Variants in PIWIL3 observed in about 807,000 individuals in gnomAD.
The protein encoded by PIWIL3 is piwi-like protein 3.
A neutral mutation model predicts 109.7 loss-of-function variants in PIWIL3; 101 were observed. The ratio of observed to expected loss-of-function variants is 0.92; its 90% CI spans 0.78 to 1.09. PIWIL3 has a LOEUF of 1.09. Among genes scored for constraint, PIWIL3 ranks in the 50% least tolerant of loss-of-function variants. The pLI is 0.00. For synonymous variants in PIWIL3, 373 were observed against 376.4 expected (o/e 0.99, Z 0.10); for missense variants, 1,031 against 1,072.6 (o/e 0.96, Z 0.54).
At chr22:24,751,566 A>G in intron 8 of PIWIL3, 68 bp from the exon 9 acceptor site, 1 of 1,562,360 alleles carries the variant, frequency 6.4e-7, no homozygotes, top group South Asian at 1.2e-5. Context: ...CACAGAAAAT[A>G]GACATTTTTA....
At chr22:24,752,488 C>G (rs1010784525) in intron 8 of PIWIL3, among the ~76,000 whole-genome samples, 2 of 152,064 alleles carry the variant, frequency 1.3e-5, no homozygotes, top group African/African-American at 2.4e-5. Flanking sequence ...CTGGGCCCTA[C>G]GTAAATCAGA....
chr22:24,755,494 T>A (rs920338314), intron 6 of PIWIL3, among the ~76,000 whole-genome samples: 6 of 152,254 alleles, frequency 3.9e-5, no homozygotes, highest in African/African-American at 1.4e-4. Flanking sequence ...AAAAATGCAT[T>A]TGCTACAGAG....
At chr22:24,755,128 C>T (rs1432218283) in intron 6 of PIWIL3, among the ~76,000 whole-genome samples, 1 of 152,086 alleles carries the variant, frequency 6.6e-6, no homozygotes, top group Non-Finnish European at 1.5e-5. Context: ...CTTTTTCAAA[C>T]TGTCTTTTTT....
intron 1 of PIWIL3, among the ~76,000 whole-genome samples, chr22:24,763,269 T>TGAGGCACACAC (rs1555913587): frequency 6.6e-6 from 1 of 151,756 alleles, no homozygotes; most frequent in African/African-American, 2.4e-5. Flanking sequence ...CTCAGCCTCC[T>TGAGGCACACAC]GAGGCACACA....
chr22:24,773,703 ATTTTT>A (rs61034646), intron 1 of PIWIL3, among the ~76,000 whole-genome samples: 7,367 of 109,950 alleles, frequency 0.067, 182 homozygotes, highest in South Asian at 0.11. Context: ...GACACTCTAG[ATTTTT>A]TTTTTTTTTT....
At chr22:24,753,375 A>G (rs544285195) in intron 8 of PIWIL3, among the ~76,000 whole-genome samples, 6 of 152,362 alleles carry the variant, frequency 3.9e-5, no homozygotes, top group African/African-American at 1.2e-4. Context: ...TCCCAGCAAC[A>G]TTATTGAAAA....
chr22:24,756,907 A>G (rs1384239618), intron 4 of PIWIL3, among the ~76,000 whole-genome samples: 1 of 151,888 alleles, frequency 6.6e-6, no homozygotes. Flanking sequence ...TGGTGACCCC[A>G]TATCTACTAA....
chr22:24,749,254 CAG>C (rs1428143124), intron 11 of PIWIL3, 148 bp downstream of exon 11: 3 of 1,270,974 alleles, frequency 2.4e-6, no homozygotes, highest in Non-Finnish European at 3.2e-6. Flanking sequence ...CTTGCAATGA[CAG>C]AAAAACTAGA....
At position 24,728,224 on chromosome 22, in the gene PIWIL3, G is replaced by A. The variant is rs1923111887; in HGVS notation, c.1858C>T (p.Gln620Ter). 6.2e-7 allele frequency: 1 copy of A among 1,614,080 alleles called. No individual in the cohort carries two copies. The highest frequency in any genetic ancestry group is 1.7e-5 in the Admixed American group (1 of 60,006). The change falls in exon 15 of 21, where the codon CAG becomes TAG. Residue 620 changes from glutamine to a stop codon, truncating the protein, a stop_gained. Coordinates refer to ENST00000616349, the MANE Select transcript of PIWIL3 (RefSeq NM_001255975.1). LOFTEE classifies it high-confidence loss of function. Reference sequence around the variant, plus strand: ...GCTCCTCCCATCTTGCAATTCATCTGCTGGGCAATCTTGGTGACGATGGTC... The same window carrying A: ...GCTCCTCCCATCTTGCAATTCATCTACTGGGCAATCTTGGTGACGATGGTC... ...ARTIVTKIAQ[Q>*]MNCKMGGALW...
chr22:24,722,730 G>C (rs1922748777), intron 19 of PIWIL3, among the ~76,000 whole-genome samples: 1 of 152,008 alleles, frequency 6.6e-6, no homozygotes, highest in South Asian at 2.1e-4. Context: ...TAGATAGATA[G>C]ATACCTACCT....
intron 9 of PIWIL3, 148 bp from the exon 10 acceptor site, chr22:24,749,967 T>C (rs1453441344): frequency 5.7e-6 from 6 of 1,048,110 alleles, no homozygotes; most frequent in South Asian, 4.7e-5. Context: ...TAGTGTACTA[T>C]GAATACTCTC....
Position 24,719,785 on chromosome 22 carries a change from A to T in PIWIL3, c.2468T>A (p.Leu823Ter). 1 of 1,613,346 alleles carries T rather than the reference A, an allele frequency of 6.2e-7. No individual in the cohort carries two copies. The highest frequency in any genetic ancestry group is 8.5e-7 in the Non-Finnish European group (1 of 1,179,280). The change falls in exon 20 of 21, where the codon TTA becomes TAA. Residue 823 changes from leucine (L) to a stop codon, truncating the protein, a stop_gained. Coordinates refer to ENST00000616349, the MANE Select transcript of PIWIL3 (RefSeq NM_001255975.1). LOFTEE classifies it low-confidence loss of function (END_TRUNC). ...IGLSPDTVQR[L>*]TYCLCHMYYN... ...ATACATGTGGCATAGACAATATGTT[A>T]AACGCTGTACTGTATCTGGGCTCAA...
At chr22:24,755,994 C>A in intron 5 of PIWIL3, 89 bp from the exon 6 acceptor site, 1 of 1,382,966 alleles carries the variant, frequency 7.2e-7, no homozygotes, top group South Asian at 1.3e-5. Flanking sequence ...TGTCACCTGG[C>A]TATCCAACAC....
intron 12 of PIWIL3, among the ~76,000 whole-genome samples, chr22:24,748,476 A>G (rs1924500280): frequency 6.6e-6 from 1 of 152,240 alleles, no homozygotes; most frequent in South Asian, 2.1e-4. Context: ...TAGATACCCC[A>G]CTTAACCTGA....
chr22:24,733,226 T>C (rs1254698441), intron 14 of PIWIL3, among the ~76,000 whole-genome samples: 1 of 152,164 alleles, frequency 6.6e-6, no homozygotes, highest in East Asian at 1.9e-4. Flanking sequence ...AACAAAGACA[T>C]CTTCCCACCT....
In PIWIL3 at chr22:24,760,780, C is replaced by CAAAAAAAAAA. The variant is rs61469163; in HGVS notation, c.103-801_103-792dup. Among the ~76,000 whole-genome samples, 180 of 41,010 alleles carry CAAAAAAAAAA rather than the reference C, an allele frequency of 4.4e-3. 10 individuals are homozygous for CAAAAAAAAAA. The highest frequency in any genetic ancestry group is 5.8e-3 in the Non-Finnish European group (128 of 22,206). 26.9% of individuals were successfully genotyped at this position (41,010 alleles called of 152,430 possible). A position where few individuals can be genotyped will look rare whatever the true frequency, so the allele number is the denominator to read the frequency against. On this transcript the variant is annotated intron_variant, in intron 2 of 20. Transcript: ENST00000616349. Reference sequence around the variant, plus strand: ...GGGCAACAAGAGCGAAACTCTGTCTCAAAAAAAAAAAAAAAAAAAAAAAGC... The same window carrying CAAAAAAAAAA: ...GGGCAACAAGAGCGAAACTCTGTCTCAAAAAAAAAAAAAAAAAAAAAAAAAAAAAAAAAGC...
chr22:24,728,325 T>G lies in PIWIL3; in HGVS notation c.1757A>C (p.Lys586Thr), dbSNP rs367969762. The stretch of plus-strand genomic sequence containing the variant: ...TGGGCATTTGGTACATAGGTATCTT[T>G]TTATGCTGTCATATCTACGTTTGTC... Reference protein sequence around the residue: ...NDDKRRYDSIKRYLCTKCPIP... With the variant: ...NDDKRRYDSITRYLCTKCPIP... Residue 586 changes from lysine (K) to threonine (T), a missense_variant, in exon 15 of 21, where the codon AAA (lysine) becomes ACA (threonine). Lys to Thr is a moderately conservative substitution (Grantham distance 78). Transcript: ENST00000616349. 1 of 1,614,198 alleles carries G rather than the reference T, an allele frequency of 6.2e-7. No individual in the cohort carries two copies. The highest frequency in any genetic ancestry group is 2.2e-5 in the East Asian group (1 of 44,884).
rs536509296 is a variant in PIWIL3 at position 24,766,112 on chromosome 22, A to T, written c.-22-3591T>A. Among the ~76,000 whole-genome samples the T allele has an allele frequency of 4.4e-4, 66 of 150,974 alleles. 3 individuals carry two copies. The South Asian group carries it at 0.013, about 31-fold the overall frequency. On this transcript the variant is annotated intron_variant, in intron 1 of 20. Coordinates refer to ENST00000616349, the MANE Select transcript of PIWIL3 (RefSeq NM_001255975.1). ...GAAATCCTCCCACTTCGGCCTCCAG[A>T]GTAGCTGGAACTGCAGGTGCTGCCA...
In PIWIL3 at chr22:24,728,067, T is replaced by C. The variant is rs775534380; in HGVS notation, c.1906-14A>G. On this transcript the variant is annotated splice_polypyrimidine_tract_variant and intron_variant, in intron 15 of 20. Transcript: ENST00000616349. ...TGTTCTTTGTACCTTAAGTTTGTTT[T>C]TGAAAAGGTAATGGAGTTAGAACGT... The C allele has an allele frequency of 3.7e-6, 6 of 1,612,622 alleles. No homozygotes were observed. Among genetic ancestry groups the C allele is most frequent in the East Asian group, 2.2e-5 (1 of 44,882 alleles).
Sources: gnomAD v4.1 joint callset for allele counts (sites outside exome capture counted in the v4.1 genomes callset) on GRCh38, gnomAD v4.1.1 for gene constraint, MANE v1.5 for transcripts, NCBI Gene and HGNC (gene_info 2026-07-23, HGNC 2026-07-21) for gene names.